Variants in RNF144B observed in about 807,000 individuals in gnomAD.
RNF144B encodes ring finger protein 144B, also known as E3 ubiquitin-protein ligase RNF144B.
A neutral mutation model predicts 40.2 loss-of-function variants in RNF144B; 25 were observed. That is an observed-to-expected ratio of 0.62 (90% CI 0.45 to 0.87). The LOEUF (loss-of-function observed/expected upper bound fraction) is 0.87, where lower values mean the gene tolerates loss of function less well. RNF144B is among the 40% of genes least tolerant of loss of function. The probability of loss-of-function intolerance (pLI) is 0.00; values close to 1 mark genes in which losing one functional copy is unlikely to be tolerated. For missense variants in RNF144B, 365 were observed against 373.7 expected, an observed-to-expected ratio of 0.98 and a Z score of 0.19; for synonymous variants, 145 against 136.3, an observed-to-expected ratio of 1.06 and a Z score of -0.44.
intron 1 of RNF144B, among the ~76,000 whole-genome samples, chr6:18,392,271 G>A (rs987911350): frequency 4.6e-5 from 7 of 151,968 alleles, no homozygotes; most frequent in Admixed American, 3.3e-4. Context: ...TTATCACAAC[G>A]TCATGTACAT....
intron 4 of RNF144B, among the ~76,000 whole-genome samples, chr6:18,452,051 C>T (rs1759219658): frequency 6.6e-6 from 1 of 152,094 alleles, no homozygotes; most frequent in Non-Finnish European, 1.5e-5. Context: ...ATATGCTGTG[C>T]ACATCTGTTG....
At chr6:18,453,464 T>TA (rs1759259724) in intron 4 of RNF144B, among the ~76,000 whole-genome samples, 1 of 152,142 alleles carries the variant, frequency 6.6e-6, no homozygotes, top group African/African-American at 2.4e-5. Context: ...GTTTTTTTCT[T>TA]ACACTTAACA....
chr6:18,438,486 A>C (rs1758874071), intron 3 of RNF144B, among the ~76,000 whole-genome samples: 6 of 152,194 alleles, frequency 3.9e-5, no homozygotes, highest in Admixed American at 3.9e-4. Flanking sequence ...GTTATGTTTT[A>C]CCACACTTTA....
rs578433 is a variant in RNF144B at position 18,457,660 on chromosome 6, C to G, written c.536+301C>G. On this transcript the variant is annotated intron_variant, in intron 5 of 7. Coordinates refer to ENST00000259939, the MANE Select transcript of RNF144B (RefSeq NM_182757.4). This position sits in a 1 kb window ranked among gnomAD's most constrained non-coding sequence, Gnocchi z 5.1. ...TCAGTAGGAAATCATGACTTGTTCC[C>G]GCTCTTTGCTCAGATACAGTATCTG... 1.3e-5 allele frequency among the ~76,000 whole-genome samples: 2 copies of G among 152,130 alleles called. No homozygotes were observed. The highest frequency in any genetic ancestry group is 2.9e-5 in the Non-Finnish European group (2 of 68,048).
intron 1 of RNF144B, among the ~76,000 whole-genome samples, chr6:18,389,753 A>G (rs1451038222): frequency 1.3e-5 from 2 of 152,196 alleles, no homozygotes; most frequent in African/African-American, 4.8e-5. Context: ...ATGTGGGAAA[A>G]GGGCCAAGCT....
rs11413565 is a variant in RNF144B at position 18,450,304 on chromosome 6, G to GTTT, written c.332-6841_332-6839dup. On this transcript the variant is annotated intron_variant, in intron 4 of 7. Coordinates refer to ENST00000259939, the MANE Select transcript of RNF144B (RefSeq NM_182757.4). This position sits in a 1 kb window ranked among gnomAD's most constrained non-coding sequence, Gnocchi z 4.7. Reference sequence around the variant, plus strand: ...CAACTCTGATTTGTAGTGCTTGCCAGTTTTTTTTTTTTAGATGGAGTCTTG... The same window carrying GTTT: ...CAACTCTGATTTGTAGTGCTTGCCAGTTTTTTTTTTTTTTTAGATGGAGTCTTG... Among the ~76,000 whole-genome samples, 8 of 146,322 alleles carry GTTT rather than the reference G, an allele frequency of 5.5e-5. No individual in the cohort carries two copies. The highest frequency in any genetic ancestry group is 1.4e-4 in the Admixed American group (2 of 14,780).
rs756407453 is a variant in RNF144B, at chr6:18,465,043, A to G, written c.888A>G (p.Lys296=). 14 of 1,613,836 alleles carry G rather than the reference A, an allele frequency of 8.7e-6. 1 individual carries two copies. The South Asian group carries it at 1.5e-4, about 18-fold the overall frequency. The change falls in exon 8 of 8, where the codon AAA becomes AAG. Residue 296 remains lysine, a synonymous_variant. Coordinates refer to ENST00000259939, the MANE Select transcript of RNF144B (RefSeq NM_182757.4). ...GCAAGTCCTGTCGGGGCAAGAAGAA[A>G]AAGCACGACCCATCCACAACCTAAA... ...CVCKSCRGKK[K]KHDPSTT
chr6:18,387,653 A>G, intron 1 of RNF144B, 23 bp downstream of exon 1: 1 of 1,291,380 alleles, frequency 7.7e-7, no homozygotes. Context: ...AGCTTTTTAA[A>G]GGCTACAGGC....
At chr6:18,439,854 A>T in intron 4 of RNF144B, 110 bp downstream of exon 4, 1 of 668,732 alleles carries the variant, frequency 1.5e-6, no homozygotes, top group Non-Finnish European at 2.7e-6. Context: ...CAAAGCCTCA[A>T]GGGTACTCTA....
chr6:18,424,155 A>C (rs1758495253), intron 2 of RNF144B, among the ~76,000 whole-genome samples: 1 of 152,178 alleles, frequency 6.6e-6, no homozygotes, highest in Admixed American at 6.5e-5. Flanking sequence ...TATGACATGC[A>C]CATGGGATTC....
At position 18,459,488 on chromosome 6, in the gene RNF144B, T is replaced by C; in HGVS notation, c.537-119T>C. The C allele has an allele frequency of 2.1e-6, 2 of 974,796 alleles. No individual in the cohort carries two copies. The highest frequency in any genetic ancestry group is 3.1e-6 in the Non-Finnish European group (2 of 654,934). The allele number at this position is 974,796 out of a possible 1,614,324, so 60.4% of individuals were successfully genotyped here. On this transcript the variant is annotated intron_variant, in intron 5 of 7. Coordinates refer to ENST00000259939, the MANE Select transcript of RNF144B (RefSeq NM_182757.4). This position sits in a 1 kb window ranked among gnomAD's most constrained non-coding sequence, Gnocchi z 4.2. Reference sequence around the variant, plus strand: ...TAATAATGTTTTTGCCCACACCCTTTCTTTTGGAAGTGAATTAAGCATGGA... The same window carrying C: ...TAATAATGTTTTTGCCCACACCCTTCCTTTTGGAAGTGAATTAAGCATGGA...
Position 18,422,878 on chromosome 6 carries a change from C to G in RNF144B, c.166-4703C>G, listed in dbSNP as rs1758461914. Among the ~76,000 whole-genome samples, 1 of 151,712 alleles carries G rather than the reference C, an allele frequency of 6.6e-6. No homozygotes were observed. The highest frequency in any genetic ancestry group is 2.4e-5 in the African/African-American group (1 of 41,260). On this transcript the variant is annotated intron_variant, in intron 2 of 7. Coordinates refer to ENST00000259939, the MANE Select transcript of RNF144B (RefSeq NM_182757.4). The surrounding 1 kb of genome is among the most constrained non-coding windows in gnomAD (Gnocchi z 4.7). ...GAGCTGAGGTGGGAGGATCACTGAA[C>G]CCAGGAGTTTGAGGTTTGCAATGAG...
At chr6:18,391,908 T>C (rs971000920) in intron 1 of RNF144B, among the ~76,000 whole-genome samples, 1 of 149,626 alleles carries the variant, frequency 6.7e-6, no homozygotes, top group Non-Finnish European at 1.5e-5. Context: ...TAAAACTAGA[T>C]GTGCCAAGGG....
Position 18,441,868 on chromosome 6 carries a change from G to A in RNF144B, c.331+2124G>A, listed in dbSNP as rs1009123565. On this transcript the variant is annotated intron_variant, in intron 4 of 7. Coordinates refer to ENST00000259939, the MANE Select transcript of RNF144B (RefSeq NM_182757.4). The surrounding 1 kb of genome is among the most constrained non-coding windows in gnomAD (Gnocchi z 4.9). ...AGCACTTCCTGTGAGTGCTTCCTGT[G>A]TCTCAGTGTTCAAAATTTTAACAGT... is the stretch of plus-strand genomic sequence containing the variant. Among the ~76,000 whole-genome samples, 10 of 152,178 alleles carry A rather than the reference G, an allele frequency of 6.6e-5. No individual in the cohort carries two copies. The highest frequency in any genetic ancestry group is 2.4e-4 in the African/African-American group (10 of 41,438).
chr6:18,395,465 A>G lies in RNF144B; in HGVS notation c.-36-4034A>G, dbSNP rs1482909875. Among the ~76,000 whole-genome samples, 1 of 152,212 alleles carries G rather than the reference A, an allele frequency of 6.6e-6. No individual in the cohort carries two copies. Among genetic ancestry groups the G allele is most frequent in the Non-Finnish European group, 1.5e-5 (1 of 68,040 alleles). On this transcript the variant is annotated intron_variant, in intron 1 of 7. Coordinates refer to ENST00000259939, the MANE Select transcript of RNF144B (RefSeq NM_182757.4). This position sits in a 1 kb window ranked among gnomAD's most constrained non-coding sequence, Gnocchi z 4.5. ...GCAAGGAAACCTTGGAGCCATTCACAGGCATCTCAGGTGTGGGGAAATTCA... is the reference window on the plus strand; with the variant it reads ...GCAAGGAAACCTTGGAGCCATTCACGGGCATCTCAGGTGTGGGGAAATTCA...
rs1759340688 is a variant in RNF144B at position 18,456,920 on chromosome 6, G to C, written c.332-235G>C. 6.6e-6 allele frequency among the ~76,000 whole-genome samples: 1 copy of C among 152,162 alleles called. No homozygotes were observed. Among genetic ancestry groups the C allele is most frequent in the East Asian group, 1.9e-4 (1 of 5,180 alleles). On this transcript the variant is annotated intron_variant, in intron 4 of 7. Transcript: ENST00000259939. The surrounding 1 kb of genome is among the most constrained non-coding windows in gnomAD (Gnocchi z 4.7). Reference sequence around the variant, plus strand: ...CTACTAAAAATACAAAAATGAGCCAGGCGTGATGGTGCGCACCTGTAGTCC... The same window carrying C: ...CTACTAAAAATACAAAAATGAGCCACGCGTGATGGTGCGCACCTGTAGTCC...
At chr6:18,389,523 T>C (rs966996202) in intron 1 of RNF144B, among the ~76,000 whole-genome samples, 2 of 152,220 alleles carry the variant, frequency 1.3e-5, no homozygotes, top group African/African-American at 4.8e-5. Context: ...TATATGTATG[T>C]CAGAATCCTT....
In RNF144B at chr6:18,460,875, T is replaced by C. The variant is rs769541051; in HGVS notation, c.681+1124T>C. 1.3e-5 allele frequency among the ~76,000 whole-genome samples: 2 copies of C among 152,182 alleles called. No individual in the cohort carries two copies. The highest frequency in any genetic ancestry group is 2.9e-5 in the Non-Finnish European group (2 of 68,026). ...CTTTTAAAGTTTGGGGTAACATAAG[T>C]TGTTTATAGATAACACTCTGTTTTG... On this transcript the variant is annotated intron_variant, in intron 6 of 7. Coordinates refer to ENST00000259939, the MANE Select transcript of RNF144B (RefSeq NM_182757.4). The surrounding 1 kb of genome is among the most constrained non-coding windows in gnomAD (Gnocchi z 4.4).
rs1210748935 is a variant in RNF144B, at chr6:18,394,346, T to TC, written c.-36-5150dup. Among the ~76,000 whole-genome samples, 4 of 152,294 alleles carry TC rather than the reference T, an allele frequency of 2.6e-5. No homozygotes were observed. The East Asian group carries it at 7.7e-4, about 29-fold the overall frequency. On this transcript the variant is annotated intron_variant, in intron 1 of 7. Transcript: ENST00000259939. ...TGGGTGTGGTGGCTTACACCTGTAA[T>TC]CCCAGCACTTTGGGAGGCCGAGGTG... is the stretch of plus-strand genomic sequence containing the variant.
Sources: allele counts gnomAD v4.1 joint callset (sites outside exome capture counted in the v4.1 genomes callset), GRCh38; gene constraint gnomAD v4.1.1; non-coding constraint Gnocchi (gnomAD v3.1); transcripts MANE v1.5; gene names NCBI Gene and HGNC (gene_info 2026-07-23, HGNC 2026-07-21).